ITSN1: variants seen among roughly 807,000 people sequenced by gnomAD.
The protein encoded by ITSN1 is intersectin-1.
Under a neutral mutation model 239.8 loss-of-function variants are expected in ITSN1, and 58 were observed. That is an observed-to-expected ratio of 0.24 (90% CI 0.20 to 0.30). ITSN1 has a LOEUF of 0.30. Ranked by LOEUF, ITSN1 falls within the 10% of genes least tolerant of loss-of-function variation. ITSN1 has a pLI of 1.00. For missense variants in ITSN1, 1,558 were observed against 2,103.3 expected (o/e 0.74, Z 5.07); for synonymous variants, 780 against 770.8 (o/e 1.01, Z -0.20).
rs1986872303 is a variant in ITSN1, at chr21:33,897,886, T to G, written c.*9586T>G. The G allele has an allele frequency of 6.6e-6, 1 of 151,998 alleles. No homozygotes were observed. The highest frequency in any genetic ancestry group is 1.5e-5 in the Non-Finnish European group (1 of 68,006). 9.4% of individuals were successfully genotyped at this position (151,998 alleles called of 1,614,324 possible). A position where few individuals can be genotyped will look rare whatever the true frequency, so the allele number is the denominator to read the frequency against. On this transcript the variant is annotated 3_prime_UTR_variant, in exon 40 of 40. Transcript: ENST00000381318. ...TATTAAAAAAAAATTCCAAGTTGTA[T>G]ATGTTAGAAATCAAATGAGTCATTT... is the stretch of plus-strand genomic sequence containing the variant.
chr21:33,836,134 G>C (rs1450242302), intron 28 of ITSN1, among the ~76,000 whole-genome samples: 1 of 152,192 alleles, frequency 6.6e-6, no homozygotes, highest in Non-Finnish European at 1.5e-5. Flanking sequence ...GTAGGAAGGA[G>C]TTCCGCTGCA....
In ITSN1 at chr21:33,862,567, G is replaced by C. The variant is rs987397747; in HGVS notation, c.3891-2584G>C. Reference sequence around the variant, plus strand: ...CGGGAAGTGCAGAGGCTGAGGCTGGGACCAGCAGGGAAAGGCTTGAGGGCG... The same window carrying C: ...CGGGAAGTGCAGAGGCTGAGGCTGGCACCAGCAGGGAAAGGCTTGAGGGCG... On this transcript the variant is annotated intron_variant, in intron 31 of 39. Coordinates refer to ENST00000381318, the MANE Select transcript of ITSN1 (RefSeq NM_003024.3). Among the ~76,000 whole-genome samples, 11 of 152,180 alleles carry C rather than the reference G, an allele frequency of 7.2e-5. No individual in the cohort carries two copies. The South Asian group carries it at 1.0e-3, about 14-fold the overall frequency.
At chr21:33,685,844 AT>A (rs1014429852) in intron 1 of ITSN1, among the ~76,000 whole-genome samples, 5 of 152,084 alleles carry the variant, frequency 3.3e-5, no homozygotes, top group Non-Finnish European at 5.9e-5. Flanking sequence ...CTTCTCTATA[AT>A]TTCTGCATTT....
intron 20 of ITSN1, 148 bp from the exon 21 acceptor site, chr21:33,810,825 CTT>C (rs2072852748): frequency 3.2e-6 from 3 of 923,994 alleles, no homozygotes. Context: ...TGCTTAGACT[CTT>C]TTCCCAGACA....
At chr21:33,702,078 A>AAAC (rs2092036714) in intron 1 of ITSN1, among the ~76,000 whole-genome samples, 2 of 150,300 alleles carry the variant, frequency 1.3e-5, no homozygotes, top group South Asian at 2.1e-4. Flanking sequence ...AAAAAACAAA[A>AAAC]AAACAAACAA....
At chr21:33,824,301 G>T (rs1000999509) in intron 25 of ITSN1, among the ~76,000 whole-genome samples, 3 of 152,192 alleles carry the variant, frequency 2.0e-5, no homozygotes, top group Admixed American at 1.3e-4. Context: ...AAGTTGAATG[G>T]AATGGTGGGG....
intron 5 of ITSN1, among the ~76,000 whole-genome samples, chr21:33,744,116 A>G (rs2067036068): frequency 6.6e-6 from 1 of 152,238 alleles, no homozygotes; most frequent in Non-Finnish European, 1.5e-5. Flanking sequence ...ATCGGATGTA[A>G]TTCCCATGCA....
chr21:33,720,250 C>A (rs1359001498), intron 2 of ITSN1, among the ~76,000 whole-genome samples: 1 of 152,196 alleles, frequency 6.6e-6, no homozygotes, highest in Non-Finnish European at 1.5e-5. Context: ...CTTTATCTGT[C>A]AGTGTCATCC....
Position 33,794,482 on chromosome 21 carries a change from G to A in ITSN1, c.1952+14G>A, listed in dbSNP as rs753215668. The A allele has an allele frequency of 2.8e-5, 45 of 1,606,372 alleles. 1 individual carries two copies. In the South Asian group the frequency reaches 5.0e-4, roughly 18 times the overall value. ...AGAAGCCCAAAGGTGAGTCTTCTTTGGATTGTGGACTCATCTGGAAGGAAC... is the reference window on the plus strand; with the variant it reads ...AGAAGCCCAAAGGTGAGTCTTCTTTAGATTGTGGACTCATCTGGAAGGAAC... On this transcript the variant is annotated intron_variant, in intron 17 of 39. Transcript: ENST00000381318.
intron 1 of ITSN1, among the ~76,000 whole-genome samples, chr21:33,702,957 A>T (rs747173568): frequency 2.6e-5 from 4 of 151,970 alleles, no homozygotes; most frequent in Non-Finnish European, 4.4e-5. Context: ...GGTGCCTGTA[A>T]TTCCAGCTAC....
At chr21:33,728,714 T>G (rs1333949831) in intron 4 of ITSN1, among the ~76,000 whole-genome samples, 4 of 152,112 alleles carry the variant, frequency 2.6e-5, no homozygotes, top group African/African-American at 9.7e-5. Context: ...AGTGGTCCCC[T>G]CTGCCCACCT....
At chr21:33,727,792 A>AC (rs1162569426) in intron 4 of ITSN1, among the ~76,000 whole-genome samples, 1 of 151,316 alleles carries the variant, frequency 6.6e-6, no homozygotes, top group Non-Finnish European at 1.5e-5. Context: ...CACCCTGCAT[A>AC]CCCAGTCCAT....
rs1985033843 is a variant in ITSN1, at chr21:33,882,090, T to C, written c.4342-153T>C. On this transcript the variant is annotated intron_variant, in intron 34 of 39. Transcript: ENST00000381318. This position sits in a 1 kb window ranked among gnomAD's most constrained non-coding sequence, Gnocchi z 4.5. Reference sequence around the variant, plus strand: ...CCTGAACTGTGCCTTTGTCTGACTTTGATCTCTTGGCTCCAAAGTCTTCAA... The same window carrying C: ...CCTGAACTGTGCCTTTGTCTGACTTCGATCTCTTGGCTCCAAAGTCTTCAA... Among the ~76,000 whole-genome samples, 1 of 152,220 alleles carries C rather than the reference T, an allele frequency of 6.6e-6. No homozygotes were observed. Among genetic ancestry groups the C allele is most frequent in the African/African-American group, 2.4e-5 (1 of 41,460 alleles).
chr21:33,663,173 G>A (rs1432078928), intron 1 of ITSN1, among the ~76,000 whole-genome samples: 1 of 152,108 alleles, frequency 6.6e-6, no homozygotes, highest in Admixed American at 6.5e-5. Flanking sequence ...AACTCTTCAG[G>A]CAGTTATAGT....
rs747702357 is a variant in ITSN1, at chr21:33,888,131, G to A, written c.5018-21G>A. On this transcript the variant is annotated intron_variant, in intron 39 of 39. Transcript: ENST00000381318. ...AGAGGGAATGGTCCCTCTTAGGAGG[G>A]TCTGTTTGTTCTCTTTTCAGATTTT... 1.2e-5 allele frequency: 20 copies of A among 1,613,396 alleles called. No homozygotes were observed. In the South Asian group the frequency reaches 2.2e-4, roughly 18 times the overall value.
chr21:33,785,866 T>G (rs1437731537), intron 16 of ITSN1, among the ~76,000 whole-genome samples: 1 of 152,190 alleles, frequency 6.6e-6, no homozygotes, highest in Non-Finnish European at 1.5e-5. Context: ...TATTTATATA[T>G]TCAAAAAAAG....
intron 33 of ITSN1, among the ~76,000 whole-genome samples, chr21:33,871,768 A>G (rs1055046235): frequency 4.6e-5 from 7 of 152,262 alleles, no homozygotes; most frequent in Admixed American, 6.5e-5. Context: ...GATAGAATAT[A>G]GAACTTGAAG....
chr21:33,763,404 T>C (rs570695451), intron 9 of ITSN1, among the ~76,000 whole-genome samples: 6 of 152,270 alleles, frequency 3.9e-5, no homozygotes, highest in African/African-American at 1.4e-4. Flanking sequence ...ACCCCAGCAC[T>C]ATTGACATTT....
chr21:33,743,713 T>C (rs2067003550), intron 5 of ITSN1, among the ~76,000 whole-genome samples: 1 of 152,180 alleles, frequency 6.6e-6, no homozygotes, highest in Non-Finnish European at 1.5e-5. Context: ...CACTAAGATA[T>C]ATTCTAGTTA....
Sources: gnomAD v4.1 joint callset for allele counts (sites outside exome capture counted in the v4.1 genomes callset) on GRCh38, gnomAD v4.1.1 for gene constraint, Gnocchi (gnomAD v3.1) non-coding constraint, MANE v1.5 for transcripts, NCBI Gene and HGNC (gene_info 2026-07-23, HGNC 2026-07-21) for gene names.